PRPF6: variants seen among roughly 807,000 people sequenced by gnomAD.
PRPF6 encodes pre-mRNA processing factor 6, also known as pre-mRNA-processing factor 6.
In PRPF6, 42 loss-of-function variants were observed where a neutral mutation model predicts 118.3. The ratio of observed to expected loss-of-function variants is 0.35; its 90% CI spans 0.28 to 0.46. The LOEUF (loss-of-function observed/expected upper bound fraction) is 0.46. PRPF6 is among the 20% of genes least tolerant of loss of function. The probability of loss-of-function intolerance (pLI) is 1.00; values close to 1 mark genes in which losing one functional copy is unlikely to be tolerated. For missense variants in PRPF6, 662 were observed against 1,255.7 expected (o/e 0.53, Z 7.15); for synonymous variants, 481 against 485.1 (o/e 0.99, Z 0.11).
intron 3 of PRPF6, among the ~76,000 whole-genome samples, chr20:63,990,144 G>A (rs1376243860): frequency 1.3e-5 from 2 of 152,064 alleles, no homozygotes; most frequent in Non-Finnish European, 2.9e-5. Context: ...ATGAGCCACC[G>A]TGCCCAGTCT....
chr20:64,014,613 C>T (rs1050843461), intron 11 of PRPF6, among the ~76,000 whole-genome samples: 8 of 151,878 alleles, frequency 5.3e-5, no homozygotes, highest in African/African-American at 1.2e-4. Flanking sequence ...GAGCCGAGAT[C>T]GTGACACTGT....
intron 12 of PRPF6, among the ~76,000 whole-genome samples, chr20:64,021,829 C>CTG (rs1427003863): frequency 7.1e-6 from 1 of 140,750 alleles, no homozygotes; most frequent in Non-Finnish European, 1.5e-5. Context: ...GGCCACAGCC[C>CTG]TGTGTGTGTG....
rs947316485 is a variant in PRPF6 at position 63,983,899 on chromosome 20, C to T, written c.240+684C>T. Among the ~76,000 whole-genome samples the T allele has an allele frequency of 3.9e-5, 6 of 152,152 alleles. No homozygotes were observed. The South Asian group carries it at 1.0e-3, about 26-fold the overall frequency. On this transcript the variant is annotated intron_variant, in intron 2 of 20. Coordinates refer to ENST00000266079, the MANE Select transcript of PRPF6 (RefSeq NM_012469.4). ...AACTCCTGACTTCAGGTTGTCCGCACGCTTCGGCTTCCCAAAGTGTTGGGA... is the reference window on the plus strand; with the variant it reads ...AACTCCTGACTTCAGGTTGTCCGCATGCTTCGGCTTCCCAAAGTGTTGGGA...
At chr20:64,019,362 C>T (rs1003705379) in intron 12 of PRPF6, among the ~76,000 whole-genome samples, 2 of 152,178 alleles carry the variant, frequency 1.3e-5, no homozygotes, top group Non-Finnish European at 2.9e-5. Context: ...CTGCCTCAGC[C>T]TCCCAGAGCC....
At chr20:63,990,708 A>G (rs843851) in intron 3 of PRPF6, among the ~76,000 whole-genome samples, 37,440 of 149,990 alleles carry the variant, frequency 0.25, 5,770 homozygotes, top group African/African-American at 0.43. Context: ...GCAATGGCGC[A>G]ACCTCGGCTT....
chr20:64,003,344 T>G (rs1222225388), intron 9 of PRPF6, among the ~76,000 whole-genome samples: 1 of 152,212 alleles, frequency 6.6e-6, no homozygotes, highest in Non-Finnish European at 1.5e-5. Flanking sequence ...CCAAATGTCT[T>G]TAAGCGAAAT....
At chr20:64,002,081 T>G (rs2059169693) in intron 9 of PRPF6, among the ~76,000 whole-genome samples, 1 of 122,408 alleles carries the variant, frequency 8.2e-6, no homozygotes, top group African/African-American at 3.0e-5. Context: ...TGCAGTGGCG[T>G]GATCTCGGCT....
At position 63,984,967 on chromosome 20, in the gene PRPF6, G is replaced by A; in HGVS notation, c.301G>A (p.Ala101Thr). Reference protein sequence around the residue: ...SGPYEKDDEEADAIYAALDKR... With the variant: ...SGPYEKDDEETDAIYAALDKR... ...ACCCTACGAGAAAGATGATGAGGAA[G>A]CAGATGCTATCTATGCAGCCCTGGA... is the stretch of plus-strand genomic sequence containing the variant. Residue 101 changes from alanine to threonine, a missense_variant, in exon 3 of 21, where the codon GCA becomes ACA. Physicochemically the swap from Ala to Thr is moderately conservative, Grantham distance 58. This residue lies in a region of PRPF6 where 20 missense variants were observed against 69.4 expected (regional missense o/e 0.29). Coordinates refer to ENST00000266079, the MANE Select transcript of PRPF6 (RefSeq NM_012469.4). The A allele has an allele frequency of 6.2e-7, 1 of 1,613,914 alleles. No homozygotes were observed. The highest frequency in any genetic ancestry group is 8.5e-7 in the Non-Finnish European group (1 of 1,179,868).
chr20:63,997,880 T>C (rs2059148302), intron 6 of PRPF6, among the ~76,000 whole-genome samples: 1 of 151,922 alleles, frequency 6.6e-6, no homozygotes, highest in Non-Finnish European at 1.5e-5. Flanking sequence ...CCGGCCAGCA[T>C]GTTCTCAGTT....
chr20:64,000,309 C>T (rs181608545), intron 8 of PRPF6, among the ~76,000 whole-genome samples: 78 of 151,952 alleles, frequency 5.1e-4, no homozygotes, highest in African/African-American at 1.7e-3. Context: ...GCCAACATGG[C>T]GAAACCCCGT....
rs538816009 is a variant in PRPF6 at position 64,016,519 on chromosome 20, G to A, written c.1525-204G>A. On this transcript the variant is annotated intron_variant, in intron 11 of 20. Coordinates refer to ENST00000266079, the MANE Select transcript of PRPF6 (RefSeq NM_012469.4). ...GTATTTTTATTTTCTAGTGAACAGT[G>A]TGCCTATGTCCTTTGTGACATTTCT... Among the ~76,000 whole-genome samples the A allele has an allele frequency of 3.3e-5, 5 of 152,202 alleles. No individual in the cohort carries two copies. The South Asian group carries it at 1.0e-3, about 31-fold the overall frequency.
chr20:63,988,031 C>G (rs900993318), intron 3 of PRPF6, among the ~76,000 whole-genome samples: 3 of 151,450 alleles, frequency 2.0e-5, no homozygotes, highest in Non-Finnish European at 2.9e-5. Context: ...AAAAAAATTA[C>G]AAAAGTTGCC....
intron 11 of PRPF6, 92 bp from the exon 12 acceptor site, chr20:64,016,631 A>G (rs2059239594): frequency 1.3e-6 from 2 of 1,529,976 alleles, no homozygotes; most frequent in Middle Eastern, 2.1e-4. Flanking sequence ...GATGTCTGTC[A>G]GTTTTAACCG....
chr20:63,990,616 C>T (rs1014611078), intron 3 of PRPF6, among the ~76,000 whole-genome samples: 5 of 151,586 alleles, frequency 3.3e-5, no homozygotes, highest in Non-Finnish European at 5.9e-5. Context: ...ATTACAAGCA[C>T]GTGCTACCAC....
At chr20:64,025,255 A>AGTGTT (rs1164961040) in intron 14 of PRPF6, among the ~76,000 whole-genome samples, 1 of 152,118 alleles carries the variant, frequency 6.6e-6, no homozygotes, top group East Asian at 1.9e-4. Flanking sequence ...CCTGTTTGAG[A>AGTGTT]TGGCATCACT....
intron 1 of PRPF6, among the ~76,000 whole-genome samples, chr20:63,981,643 T>TCC (rs11295538): frequency 2.6e-4 from 32 of 124,388 alleles, no homozygotes; most frequent in South Asian, 1.1e-3. Context: ...GGGCTGACAC[T>TCC]CCCCCCCCCC....
rs2059287991 is a variant in PRPF6 at position 64,025,975 on chromosome 20, G to A, written c.1945G>A (p.Val649Met). ...PNSEEIWLAA[V>M]KLESENDEYE... ...CAGTGAGGAGATCTGGCTGGCAGCC[G>A]TGAAGCTGGAGTCCGAGAATGATGA... Residue 649 changes from valine (V) to methionine (M), a missense_variant, in exon 15 of 21, where the codon GTG becomes ATG. Coordinates refer to ENST00000266079, the MANE Select transcript of PRPF6 (RefSeq NM_012469.4). The A allele has an allele frequency of 3.1e-6, 5 of 1,613,488 alleles. No individual in the cohort carries two copies. The highest frequency in any genetic ancestry group is 3.4e-6 in the Non-Finnish European group (4 of 1,180,034).
chr20:64,000,028 C>T (rs527394271), intron 8 of PRPF6, among the ~76,000 whole-genome samples: 4 of 151,900 alleles, frequency 2.6e-5, no homozygotes, highest in Admixed American at 6.6e-5. Context: ...CTCGGCTCAC[C>T]GCAAGCTCCA....
chr20:63,994,644 G>A (rs1258984330), intron 4 of PRPF6, among the ~76,000 whole-genome samples: 2 of 152,096 alleles, frequency 1.3e-5, no homozygotes, highest in African/African-American at 2.4e-5. Flanking sequence ...GGTGGCCCAC[G>A]CTTGTGGTCC....
Sources: allele counts gnomAD v4.1 joint callset (sites outside exome capture counted in the v4.1 genomes callset), GRCh38; gene constraint gnomAD v4.1.1; regional missense constraint gnomAD v4.1.1; transcripts MANE v1.5; gene names NCBI Gene and HGNC (gene_info 2026-07-23, HGNC 2026-07-21).